The following METTL2B variants were observed in gnomAD, a reference collection of about 807,000 sequenced individuals.
The protein encoded by METTL2B is methyltransferase 2B, tRNA N3-cytidine, also known as tRNA N(3)-cytidine methyltransferase METTL2B.
A neutral mutation model predicts 51.0 loss-of-function variants in METTL2B; 28 were observed. The observed-to-expected ratio is 0.55, with a 90% CI of 0.41 to 0.75. The LOEUF (loss-of-function observed/expected upper bound fraction) is 0.75. Among genes scored for constraint, METTL2B ranks in the 30% least tolerant of loss-of-function variants. The pLI, the probability that METTL2B is intolerant of heterozygous loss-of-function variation, is 0.00. For missense variants in METTL2B, 313 were observed against 460.7 expected (o/e 0.68, Z 2.93); for synonymous variants, 128 against 166.3 (o/e 0.77, Z 1.77).
At chr7:128,496,890 C>T (rs557253812) in intron 6 of METTL2B, among the ~76,000 whole-genome samples, 1 of 152,236 alleles carries the variant, frequency 6.6e-6, no homozygotes, top group South Asian at 2.1e-4. Flanking sequence ...AAGCGATTCT[C>T]CTGCCTCAGC....
At chr7:128,483,666 C>T (rs540648643) in intron 4 of METTL2B, among the ~76,000 whole-genome samples, 5 of 152,232 alleles carry the variant, frequency 3.3e-5, no homozygotes, top group Admixed American at 6.5e-5. Flanking sequence ...CTCAGCCTCC[C>T]GAGTAGTTGG....
At chr7:128,500,259 G>A (rs1793004742) in intron 7 of METTL2B, among the ~76,000 whole-genome samples, 1 of 152,120 alleles carries the variant, frequency 6.6e-6, no homozygotes, top group Admixed American at 6.6e-5. Context: ...ACATGCAAAG[G>A]ACAGTCACCA....
Position 128,496,680 on chromosome 7 carries a change from G to A in METTL2B, c.810-1356G>A, listed in dbSNP as rs751082952. Reference sequence around the variant, plus strand: ...ACACACTTTTAGTCCCAGCTACCTAGGAGACTGAGGCAGGAGGATCACTTG... The same window carrying A: ...ACACACTTTTAGTCCCAGCTACCTAAGAGACTGAGGCAGGAGGATCACTTG... On this transcript the variant is annotated intron_variant, in intron 6 of 8. Transcript: ENST00000262432. Among the ~76,000 whole-genome samples the A allele has an allele frequency of 5.9e-5, 9 of 152,314 alleles. 1 individual carries two copies. The highest frequency in any genetic ancestry group is 3.4e-3 in the Middle Eastern group (1 of 294).
rs143926368 is a variant in METTL2B at position 128,488,157 on chromosome 7, T to C, written c.665T>C (p.Val222Ala). 18 of 1,613,356 alleles carry C rather than the reference T, an allele frequency of 1.1e-5. No individual in the cohort carries two copies. In the African/African-American group the frequency reaches 2.3e-4, roughly 20 times the overall value. Residue 222 changes from valine (V) to alanine (A), a missense_variant, in exon 5 of 9, where the codon GTC (valine) becomes GCC (alanine). Val to Ala is a moderately conservative substitution (Grantham distance 64). Around this residue, in one of 4 missense-constraint regions of METTL2B, gnomAD observed 42 missense variants for 113.4 expected, o/e 0.37. Coordinates refer to ENST00000262432, the MANE Select transcript of METTL2B (RefSeq NM_018396.3). ...TTTTCTTCCACAGCTATAGAACTGGTCCAGGTGAGTACGATGGGAAATTAC... is the reference window on the plus strand; with the variant it reads ...TTTTCTTCCACAGCTATAGAACTGGCCCAGGTGAGTACGATGGGAAATTAC... ...CDFSSTAIEL[V>A]QTNSEYDPSR...
chr7:128,479,930 T>C (rs1383263995), intron 3 of METTL2B, among the ~76,000 whole-genome samples: 1 of 152,206 alleles, frequency 6.6e-6, no homozygotes, highest in African/African-American at 2.4e-5. Flanking sequence ...GCCTGTTTCT[T>C]AGGCCTGGGA....
At chr7:128,483,238 C>T (rs1202887063) in intron 4 of METTL2B, 1 of 152,186 alleles carries the variant, frequency 6.6e-6, no homozygotes, top group Non-Finnish European at 1.5e-5. Flanking sequence ...AATAAGATCG[C>T]TGTGTTCAGT....
chr7:128,497,944 G>A, intron 6 of METTL2B, 92 bp from the exon 7 acceptor site: 1 of 1,313,282 alleles, frequency 7.6e-7, no homozygotes, highest in South Asian at 1.3e-5. Context: ...GTCAGTTGAG[G>A]AAGTCCACTG....
intron 5 of METTL2B, among the ~76,000 whole-genome samples, chr7:128,490,325 C>CTTTT (rs56261578): frequency 0.033 from 4,322 of 131,758 alleles, 245 homozygotes; most frequent in East Asian, 0.2. Context: ...TCAGGCTTCA[C>CTTTT]TTTTTTTTTT....
At chr7:128,489,646 T>TTTTTTA (rs1792790718) in intron 5 of METTL2B, among the ~76,000 whole-genome samples, 1 of 144,066 alleles carries the variant, frequency 6.9e-6, no homozygotes, top group Admixed American at 6.9e-5. Context: ...TTTTTTTTTT[T>TTTTTTA]GAGACGGAGT....
intron 6 of METTL2B, among the ~76,000 whole-genome samples, chr7:128,494,907 G>A (rs964251125): frequency 5.3e-5 from 8 of 151,576 alleles, no homozygotes; most frequent in African/African-American, 1.9e-4. Context: ...TTACAGGTGT[G>A]AGCCACCACG....
At chr7:128,482,452 C>G (rs1473446984) in intron 4 of METTL2B, among the ~76,000 whole-genome samples, 1 of 152,124 alleles carries the variant, frequency 6.6e-6, no homozygotes, top group Admixed American at 6.6e-5. Flanking sequence ...CCGCGCCCAG[C>G]CTGCTGAGGA....
chr7:128,477,271 A>G, intron 2 of METTL2B, 98 bp downstream of exon 2: 2 of 1,509,066 alleles, frequency 1.3e-6, no homozygotes, highest in Non-Finnish European at 1.8e-6. Context: ...CACATCCTTT[A>G]TTCCTGGCCT....
Position 128,500,902 on chromosome 7 carries a change from G to A in METTL2B, c.917-1G>A. ...CTGATTTTTAATACATCACTCTGCA[G>A]GTCAGTGTCTATCTGGAAATTTCTA... is the stretch of plus-strand genomic sequence containing the variant. On this transcript the variant is annotated splice_acceptor_variant, in intron 7 of 8. Coordinates refer to ENST00000262432, the MANE Select transcript of METTL2B (RefSeq NM_018396.3). LOFTEE classifies it high-confidence loss of function. 3 of 1,614,054 alleles carry A rather than the reference G, an allele frequency of 1.9e-6. No individual in the cohort carries two copies. The highest frequency in any genetic ancestry group is 2.2e-5 in the South Asian group (2 of 91,082).
At chr7:128,486,483 C>G (rs1416800864) in intron 4 of METTL2B, among the ~76,000 whole-genome samples, 1 of 151,738 alleles carries the variant, frequency 6.6e-6, no homozygotes, top group Non-Finnish European at 1.5e-5. Context: ...ACCTGTAGTC[C>G]CAGCTACTCA....
At chr7:128,494,938 G>A (rs553129503) in intron 6 of METTL2B, among the ~76,000 whole-genome samples, 13 of 143,416 alleles carry the variant, frequency 9.1e-5, no homozygotes, top group African/African-American at 3.4e-4. Flanking sequence ...TTTTGAAGAC[G>A]GAGTCTTGCT....
chr7:128,499,550 G>A (rs527999526), intron 7 of METTL2B, among the ~76,000 whole-genome samples: 6 of 126,958 alleles, frequency 4.7e-5, no homozygotes, highest in East Asian at 2.3e-4. Context: ...ACGGAGTCTC[G>A]CTCTGTCTCC....
chr7:128,490,711 C>A (rs563919913), intron 5 of METTL2B, among the ~76,000 whole-genome samples: 62 of 152,256 alleles, frequency 4.1e-4, no homozygotes, highest in African/African-American at 1.4e-3. Flanking sequence ...CATGGTGCCT[C>A]ACTAAAATGA....
At chr7:128,485,620 C>G (rs1792687303) in intron 4 of METTL2B, among the ~76,000 whole-genome samples, 1 of 150,382 alleles carries the variant, frequency 6.6e-6, no homozygotes, top group Non-Finnish European at 1.5e-5. Context: ...GAGCGGAGAT[C>G]GCACCACTGC....
At position 128,502,217 on chromosome 7, in the gene METTL2B, T is replaced by C; in HGVS notation, c.*301T>C. On this transcript the variant is annotated 3_prime_UTR_variant, in exon 9 of 9. Transcript: ENST00000262432. Reference sequence around the variant, plus strand: ...CTTTGTATCAGGATTCTAACAATTATGCTTCATATTTGTGAAGTCCTTTAA... The same window carrying C: ...CTTTGTATCAGGATTCTAACAATTACGCTTCATATTTGTGAAGTCCTTTAA... 2 of 348,010 alleles carry C rather than the reference T, an allele frequency of 5.7e-6. No homozygotes were observed. Among genetic ancestry groups the C allele is most frequent in the Admixed American group, 8.8e-5 (2 of 22,744 alleles). 21.6% of individuals were successfully genotyped at this position (348,010 alleles called of 1,614,324 possible). A position where few individuals can be genotyped will look rare whatever the true frequency, so the allele number is the denominator to read the frequency against.
Sources: gnomAD v4.1 joint callset for allele counts (sites outside exome capture counted in the v4.1 genomes callset) on GRCh38, gnomAD v4.1.1 for gene constraint, gnomAD v4.1.1 regional missense constraint, MANE v1.5 for transcripts, NCBI Gene and HGNC (gene_info 2026-07-23, HGNC 2026-07-21) for gene names.